Variants in LPGAT1 observed in about 807,000 individuals in gnomAD.
LPGAT1 encodes acyl-CoA:lysophosphatidylglycerol acyltransferase 1.
LPGAT1 carries 11 observed loss-of-function variants against 47.5 expected under a neutral mutation model. The observed-to-expected ratio is 0.23, with a 90% confidence interval of 0.15 to 0.38. The LOEUF is 0.38. Ranked by LOEUF, LPGAT1 falls within the 10% of genes least tolerant of loss-of-function variation. The probability of loss-of-function intolerance (pLI) is 1.00; values close to 1 mark genes in which losing one functional copy is unlikely to be tolerated. For synonymous variants in LPGAT1, 138 were observed against 144.2 expected (o/e 0.96, Z 0.31); for missense variants, 293 against 439.0 (o/e 0.67, Z 2.97).
intron 6 of LPGAT1, among the ~76,000 whole-genome samples, chr1:211,773,600 T>G (rs897648672): frequency 2.0e-5 from 3 of 152,236 alleles, no homozygotes; most frequent in African/African-American, 7.2e-5. Context: ...GATCGTTTTC[T>G]CTAACTCACT....
At chr1:211,786,090 T>A (rs559915493) in intron 4 of LPGAT1, among the ~76,000 whole-genome samples, 1 of 152,244 alleles carries the variant, frequency 6.6e-6, no homozygotes, top group Non-Finnish European at 1.5e-5. Context: ...AGGATCTTTG[T>A]TAAGTTGTCC....
chr1:211,756,006 G>A (rs941597434), intron 6 of LPGAT1, among the ~76,000 whole-genome samples: 2 of 152,180 alleles, frequency 1.3e-5, no homozygotes, highest in Non-Finnish European at 2.9e-5. Flanking sequence ...GGGAGGCCGA[G>A]GCAGGTGGAT....
At chr1:211,778,068 C>T (rs142017735) in intron 6 of LPGAT1, among the ~76,000 whole-genome samples, 3,641 of 152,260 alleles carry the variant, frequency 0.024, 79 homozygotes, top group South Asian at 0.11. Context: ...CGAGGCTGGG[C>T]GCGGTGGCTC....
intron 2 of LPGAT1, among the ~76,000 whole-genome samples, chr1:211,796,706 A>C (rs750027945): frequency 6.6e-6 from 1 of 152,172 alleles, no homozygotes; most frequent in South Asian, 2.1e-4. Flanking sequence ...CCAAAATTAT[A>C]GTCTTTCTTT....
intron 4 of LPGAT1, among the ~76,000 whole-genome samples, chr1:211,785,200 C>A (rs2102542494): frequency 6.6e-6 from 1 of 152,234 alleles, no homozygotes; most frequent in African/African-American, 2.4e-5. Flanking sequence ...GTCTTTAGAT[C>A]AAATGTATCC....
rs1003750180 is a variant in LPGAT1 at position 211,830,673 on chromosome 1, C to G, written c.-128G>C. On this transcript the variant is annotated 5_prime_UTR_variant, in exon 1 of 8. Coordinates refer to ENST00000366997, the MANE Select transcript of LPGAT1 (RefSeq NM_014873.3). This position sits in a 1 kb window ranked among gnomAD's most constrained non-coding sequence, Gnocchi z 5.9. ...GGCGGAAGAAGGCGGTGGCGGGGCC[C>G]TGCCCCGCTCCGGCTGTGGCGCGGC... 1.7e-6 allele frequency: 2 copies of G among 1,193,230 alleles called. No individual in the cohort carries two copies. The highest frequency in any genetic ancestry group is 2.1e-6 in the Non-Finnish European group (2 of 965,534). The allele number at this position is 1,193,230 out of a possible 1,614,324, so 73.9% of individuals were successfully genotyped here.
At chr1:211,784,806 T>C (rs1173080225) in intron 4 of LPGAT1, among the ~76,000 whole-genome samples, 5 of 145,970 alleles carry the variant, frequency 3.4e-5, no homozygotes, top group Non-Finnish European at 6.1e-5. Context: ...GGTTCTTTCT[T>C]TTTTTTTTTT....
At chr1:211,801,903 A>T (rs1396166322) in intron 2 of LPGAT1, among the ~76,000 whole-genome samples, 1 of 152,002 alleles carries the variant, frequency 6.6e-6, no homozygotes, top group East Asian at 1.9e-4. Context: ...AACATGGTGA[A>T]ACCCCATCTC....
intron 2 of LPGAT1, among the ~76,000 whole-genome samples, chr1:211,798,689 C>T (rs1162340630): frequency 6.6e-6 from 1 of 152,090 alleles, no homozygotes; most frequent in African/African-American, 2.4e-5. Context: ...TCTCTAAAAA[C>T]AAACAAACAA....
chr1:211,786,023 T>G (rs1447259964), intron 4 of LPGAT1, among the ~76,000 whole-genome samples: 1 of 152,212 alleles, frequency 6.6e-6, no homozygotes, highest in African/African-American at 2.4e-5. Context: ...TTCGGATCCC[T>G]GAGACTGCTA....
chr1:211,776,524 C>CA (rs902759095), intron 6 of LPGAT1, among the ~76,000 whole-genome samples: 14 of 148,816 alleles, frequency 9.4e-5, no homozygotes, highest in South Asian at 2.1e-4. Context: ...ACCTGTGTCT[C>CA]AAAAAAAAAC....
intron 2 of LPGAT1, among the ~76,000 whole-genome samples, chr1:211,803,724 ATACAAAC>A (rs1245218014): frequency 6.6e-6 from 1 of 151,966 alleles, no homozygotes; most frequent in East Asian, 1.9e-4. Context: ...TAAAATTCAA[ATACAAAC>A]TAGAAAATGT....
chr1:211,827,247 T>C (rs1194958603), intron 2 of LPGAT1, among the ~76,000 whole-genome samples: 1 of 152,172 alleles, frequency 6.6e-6, no homozygotes, highest in East Asian at 1.9e-4. Context: ...GAGACTAAAA[T>C]ATGCAGATCA....
intron 2 of LPGAT1, among the ~76,000 whole-genome samples, chr1:211,817,971 A>G (rs1281410737): frequency 6.6e-6 from 1 of 152,068 alleles, no homozygotes; most frequent in Admixed American, 6.5e-5. Context: ...AGTAGCTAGG[A>G]CTACAGGTAT....
chr1:211,782,109 A>G (rs1183677140), intron 5 of LPGAT1, among the ~76,000 whole-genome samples: 1 of 152,164 alleles, frequency 6.6e-6, no homozygotes, highest in East Asian at 1.9e-4. Flanking sequence ...TCGTTTTCAT[A>G]AGAGTTGTAT....
At chr1:211,800,547 T>C (rs994233330) in intron 2 of LPGAT1, among the ~76,000 whole-genome samples, 2 of 152,214 alleles carry the variant, frequency 1.3e-5, no homozygotes, top group African/African-American at 4.8e-5. Context: ...TTCACTGTCA[T>C]TAAGATTTAG....
chr1:211,820,370 A>G (rs1180760545), intron 2 of LPGAT1, among the ~76,000 whole-genome samples: 2 of 152,240 alleles, frequency 1.3e-5, no homozygotes, highest in Non-Finnish European at 2.9e-5. Flanking sequence ...CACTAAAAAA[A>G]AATTACAATG....
intron 2 of LPGAT1, among the ~76,000 whole-genome samples, chr1:211,805,083 A>G (rs1440237497): frequency 6.6e-6 from 1 of 150,726 alleles, no homozygotes; most frequent in African/African-American, 2.4e-5. Flanking sequence ...CAAAATACCA[A>G]AGTCAAAAGC....
chr1:211,804,320 G>A (rs986377012), intron 2 of LPGAT1, among the ~76,000 whole-genome samples: 3 of 151,948 alleles, frequency 2.0e-5, no homozygotes, highest in Non-Finnish European at 2.9e-5. Flanking sequence ...ACAGTATTGG[G>A]AATACAGGTG....
Sources: allele counts gnomAD v4.1 joint callset (sites outside exome capture counted in the v4.1 genomes callset), GRCh38; gene constraint gnomAD v4.1.1; non-coding constraint Gnocchi (gnomAD v3.1); transcripts MANE v1.5; gene names NCBI Gene and HGNC (gene_info 2026-07-23, HGNC 2026-07-21).